The following PHACTR3 variants were observed in gnomAD, a reference collection of about 807,000 sequenced individuals.
PHACTR3 encodes the protein protein phosphatase 1, regulatory subunit 123.
In PHACTR3, 16 loss-of-function variants were observed where a neutral mutation model predicts 66.8. The ratio of observed to expected loss-of-function variants is 0.24; its 90% CI spans 0.16 to 0.36. The LOEUF is 0.36. Ranked by LOEUF, PHACTR3 falls within the 10% of genes least tolerant of loss-of-function variation. PHACTR3 has a pLI of 1.00. For synonymous variants in PHACTR3, 323 were observed against 292.1 expected (o/e 1.11, Z -1.08); for missense variants, 647 against 719.9 (o/e 0.90, Z 1.16).
intron 1 of PHACTR3, among the ~76,000 whole-genome samples, chr20:59,629,783 G>T (rs2034599878): frequency 6.6e-6 from 1 of 152,192 alleles, no homozygotes; most frequent in Non-Finnish European, 1.5e-5. Flanking sequence ...AGTTGCAGTG[G>T]GTGGCACCGA....
At chr20:59,772,106 CAGAGTCTTGCAT>C (rs145558676) in intron 5 of PHACTR3, among the ~76,000 whole-genome samples, 7,138 of 152,256 alleles carry the variant, frequency 0.047, 261 homozygotes, top group Non-Finnish European at 0.073. Context: ...GTGACTTGCC[CAGAGTCTTGCAT>C]ACTGGGAAAT....
chr20:59,607,063 CG>C (rs1568929979), intron 1 of PHACTR3, among the ~76,000 whole-genome samples: 1 of 152,148 alleles, frequency 6.6e-6, no homozygotes, highest in East Asian at 1.9e-4. Flanking sequence ...GGAGGAAGGG[CG>C]GGCTCAGGGA....
At chr20:59,586,146 C>T (rs547705231) in intron 1 of PHACTR3, among the ~76,000 whole-genome samples, 16 of 152,228 alleles carry the variant, frequency 1.1e-4, no homozygotes, top group Non-Finnish European at 2.1e-4. Flanking sequence ...CCTGCCCTGG[C>T]CTGCTCTGTG....
intron 1 of PHACTR3, among the ~76,000 whole-genome samples, chr20:59,685,361 C>T (rs1210275403): frequency 1.3e-5 from 2 of 152,190 alleles, no homozygotes; most frequent in Non-Finnish European, 2.9e-5. Flanking sequence ...GCTGGCAGCA[C>T]GGACTTGGGA....
chr20:59,818,103 C>T (rs183131515), intron 8 of PHACTR3, among the ~76,000 whole-genome samples: 42 of 152,286 alleles, frequency 2.8e-4, no homozygotes, highest in Non-Finnish European at 6.0e-4. Context: ...CCCTTGTGTG[C>T]GGCCCTCTCA....
At position 59,618,251 on chromosome 20, in the gene PHACTR3, G is replaced by A. The variant is rs116299686; in HGVS notation, c.118+13119G>A. ...GCTGCAGGGGAGCTGGGAGCCAGAC[G>A]GTTGGGGCCTCCTGGACTGGGGAGG... On this transcript the variant is annotated intron_variant, in intron 1 of 12. Coordinates refer to ENST00000371015, the MANE Select transcript of PHACTR3 (RefSeq NM_080672.5). 2.4e-3 allele frequency among the ~76,000 whole-genome samples: 362 copies of A among 152,330 alleles called. 3 individuals carry two copies. Among genetic ancestry groups the A allele is most frequent in the African/African-American group, 8.1e-3 (338 of 41,572 alleles).
chr20:59,590,591 C>T (rs1284397919), intron 1 of PHACTR3, among the ~76,000 whole-genome samples: 1 of 152,238 alleles, frequency 6.6e-6, no homozygotes, highest in African/African-American at 2.4e-5. Flanking sequence ...CCTGAGGGGA[C>T]AGATCCACGC....
At chr20:59,608,057 C>A (rs1423774314) in intron 1 of PHACTR3, among the ~76,000 whole-genome samples, 3 of 152,180 alleles carry the variant, frequency 2.0e-5, no homozygotes, top group Admixed American at 6.5e-5. Context: ...TTCACACTTT[C>A]CGTAATCTAT....
intron 7 of PHACTR3, among the ~76,000 whole-genome samples, chr20:59,804,710 G>A (rs2041511946): frequency 6.6e-6 from 1 of 152,236 alleles, no homozygotes; most frequent in Non-Finnish European, 1.5e-5. Context: ...GATTTTCAGA[G>A]TTGTTTTCTC....
At chr20:59,836,628 G>C in intron 9 of PHACTR3, 68 bp downstream of exon 9, 1 of 1,508,536 alleles carries the variant, frequency 6.6e-7, no homozygotes, top group Non-Finnish European at 9.1e-7. Flanking sequence ...CAAATCCTGA[G>C]TTCCCATAAC....
At chr20:59,803,420 C>A (rs2041474249) in intron 7 of PHACTR3, among the ~76,000 whole-genome samples, 1 of 151,814 alleles carries the variant, frequency 6.6e-6, no homozygotes, top group African/African-American at 2.4e-5. Context: ...TCTTTCTAAG[C>A]AATGACTTCT....
At position 59,847,218 on chromosome 20, in the gene PHACTR3, G is replaced by C; in HGVS notation, c.*88G>C. 1 of 969,410 alleles carries C rather than the reference G, an allele frequency of 1.0e-6. No homozygotes were observed. Among genetic ancestry groups the C allele is most frequent in the Non-Finnish European group, 1.6e-6 (1 of 617,570 alleles). The allele number at this position is 969,410 out of a possible 1,614,324, so 60.1% of individuals were successfully genotyped here. A position where few individuals can be genotyped will look rare whatever the true frequency, so the allele number is the denominator to read the frequency against. ...GGAACTTTCCTGAAGTTCAGCTCAA[G>C]ACTACCCTACCTGCTGTGTTTGTGA... On this transcript the variant is annotated 3_prime_UTR_variant, in exon 13 of 13. Coordinates refer to ENST00000371015, the MANE Select transcript of PHACTR3 (RefSeq NM_080672.5).
At chr20:59,812,357 T>A (rs1156426284) in intron 8 of PHACTR3, among the ~76,000 whole-genome samples, 2 of 152,248 alleles carry the variant, frequency 1.3e-5, no homozygotes, top group Non-Finnish European at 2.9e-5. Context: ...GAGTGGCTTC[T>A]CTGCACGTTT....
chr20:59,776,516 TAGCCCCTGGGGAGGAC>T (rs1249880968), intron 7 of PHACTR3, among the ~76,000 whole-genome samples: 8 of 151,640 alleles, frequency 5.3e-5, no homozygotes, highest in East Asian at 1.9e-4. Flanking sequence ...ACGGGGAGGA[TAGCCCCTGGGGAGGAC>T]AGCCCCTGGG....
At chr20:59,814,251 C>T (rs900119491) in intron 8 of PHACTR3, among the ~76,000 whole-genome samples, 1 of 152,140 alleles carries the variant, frequency 6.6e-6, no homozygotes, top group Non-Finnish European at 1.5e-5. Context: ...TGCTACAGGC[C>T]CAGGAGCCAG....
chr20:59,789,856 T>C (rs2041034817), intron 7 of PHACTR3, among the ~76,000 whole-genome samples: 1 of 152,178 alleles, frequency 6.6e-6, no homozygotes, highest in Non-Finnish European at 1.5e-5. Flanking sequence ...CAAAGCCTCA[T>C]GCACATCAAT....
chr20:59,677,734 G>A (rs749098515), intron 1 of PHACTR3, among the ~76,000 whole-genome samples: 2 of 152,150 alleles, frequency 1.3e-5, no homozygotes, highest in African/African-American at 4.8e-5. Flanking sequence ...GTCCTTTTGT[G>A]GAGTGTGGTT....
intron 9 of PHACTR3, among the ~76,000 whole-genome samples, chr20:59,837,007 C>G (rs369570908): frequency 2.1e-4 from 32 of 152,262 alleles, no homozygotes; most frequent in African/African-American, 7.0e-4. Flanking sequence ...TCCTGTGGCT[C>G]AGGACTTTGA....
intron 1 of PHACTR3, among the ~76,000 whole-genome samples, chr20:59,702,786 C>T (rs1435652609): frequency 1.3e-5 from 2 of 152,220 alleles, no homozygotes; most frequent in Admixed American, 6.5e-5. Context: ...TTGTATTCAT[C>T]CGTGAAAAGA....
Sources: allele counts gnomAD v4.1 joint callset (sites outside exome capture counted in the v4.1 genomes callset), GRCh38; gene constraint gnomAD v4.1.1; transcripts MANE v1.5; gene names NCBI Gene and HGNC (gene_info 2026-07-23, HGNC 2026-07-21).